The following PTH1R variants were observed in gnomAD, a reference collection of about 807,000 sequenced individuals.
The protein encoded by PTH1R is parathyroid hormone/parathyroid hormone-related peptide receptor.
Under a neutral mutation model 70.7 loss-of-function variants are expected in PTH1R, and 32 were observed. That is an observed-to-expected ratio of 0.45 (90% CI 0.34 to 0.61). PTH1R has a LOEUF of 0.61. Among genes scored for constraint, PTH1R ranks in the 20% least tolerant of loss-of-function variants. The pLI is 0.01. For missense variants in PTH1R, 626 were observed against 792.5 expected (o/e 0.79, Z 2.52); for synonymous variants, 329 against 324.8 (o/e 1.01, Z -0.14).
chr3:46,895,692 G>T lies in PTH1R; in HGVS notation c.179-43G>T. The T allele has an allele frequency of 1.9e-6, 3 of 1,613,750 alleles. No individual in the cohort carries two copies. In the South Asian group the frequency reaches 3.3e-5, roughly 18 times the overall value. ...CAAAGAGTACCCTGGGTCTCCTGTT[G>T]TAGCACAGCTGACAGCCATCATTAC... On this transcript the variant is annotated intron_variant, in intron 4 of 15. Transcript: ENST00000449590.
intron 8 of PTH1R, 25 bp from the exon 9 acceptor site, chr3:46,898,637 C>A: frequency 6.2e-7 from 1 of 1,610,528 alleles, no homozygotes. Context: ...TGCCCCCACC[C>A]ACGGTCATGT....
chr3:46,887,476 A>C (rs530569166), intron 3 of PTH1R, among the ~76,000 whole-genome samples: 1 of 150,538 alleles, frequency 6.6e-6, no homozygotes, highest in South Asian at 2.1e-4. Context: ...AAAAAAAAAA[A>C]AGAGAGAGAG....
rs201482011 is a variant in PTH1R, at chr3:46,898,366, C to A, written c.544-12C>A. ...CCAGGGCTCTGACTGTGTCTCCCCC[C>A]GCCCCGCACAGGAGGTGTTTGACCG... On this transcript the variant is annotated splice_polypyrimidine_tract_variant and intron_variant, in intron 7 of 15. Coordinates refer to ENST00000449590, the MANE Select transcript of PTH1R (RefSeq NM_000316.3). The A allele has an allele frequency of 2.5e-6, 4 of 1,612,916 alleles. No homozygotes were observed. The highest frequency in any genetic ancestry group is 1.1e-5 in the South Asian group (1 of 91,058).
intron 2 of PTH1R, among the ~76,000 whole-genome samples, chr3:46,881,886 C>T (rs1178225928): frequency 3.3e-5 from 5 of 152,050 alleles, no homozygotes; most frequent in Admixed American, 3.3e-4. Flanking sequence ...AGGGGATTCG[C>T]CCATGATGAA....
chr3:46,898,555 C>A, intron 8 of PTH1R, 83 bp downstream of exon 8: 9 of 1,598,310 alleles, frequency 5.6e-6, no homozygotes, highest in African/African-American at 1.3e-5. Context: ...CTCCCTGCAC[C>A]CATCACCCCC....
In PTH1R at chr3:46,895,746, G is replaced by C. The variant is rs2031711083; in HGVS notation, c.190G>C (p.Glu64Gln). ...CCTGGTTTCTCCAGCCAGCATAATG[G>C]AATCAGACAAGGGATGGACATCTGC... ...EVLQRPASIM[E>Q]SDKGWTSAST... Residue 64 changes from glutamate to glutamine, a missense_variant, in exon 5 of 16, where the codon GAA becomes CAA. This residue lies in a region of PTH1R where 123 missense variants were observed against 125.7 expected (regional missense o/e 0.98). Transcript: ENST00000449590. 6.2e-7 allele frequency: 1 copy of C among 1,614,140 alleles called. No homozygotes were observed. The highest frequency in any genetic ancestry group is 2.2e-5 in the East Asian group (1 of 44,874).
Position 46,892,673 on chromosome 3 carries a change from C to A in PTH1R, c.76-1234C>A. On this transcript the variant is annotated intron_variant, in intron 3 of 15. Transcript: ENST00000449590. This position sits in a 1 kb window ranked among gnomAD's most constrained non-coding sequence, Gnocchi z 5.2. Reference sequence around the variant, plus strand: ...CCTCTCGCCGGTGCCCGCCCCATGCCCGACCCGCCTTCTTCCTCCCCTGCC... The same window carrying A: ...CCTCTCGCCGGTGCCCGCCCCATGCACGACCCGCCTTCTTCCTCCCCTGCC... 1 of 962,484 alleles carries A rather than the reference C, an allele frequency of 1.0e-6. No individual in the cohort carries two copies. The highest frequency in any genetic ancestry group is 1.2e-6 in the Non-Finnish European group (1 of 808,352). The allele number at this position is 962,484 out of a possible 1,614,324, so 59.6% of individuals were successfully genotyped here. A position where few individuals can be genotyped will look rare whatever the true frequency, so the allele number is the denominator to read the frequency against.
intron 3 of PTH1R, among the ~76,000 whole-genome samples, chr3:46,890,388 TTGCTGCTGC>T (rs562274566): frequency 5.3e-5 from 8 of 152,110 alleles, no homozygotes; most frequent in African/African-American, 1.9e-4. Context: ...GGGATGTGAC[TTGCTGCTGC>T]TGCTGCTGCT....
At chr3:46,900,553 T>C (rs2032056083) in intron 10 of PTH1R, among the ~76,000 whole-genome samples, 1 of 151,990 alleles carries the variant, frequency 6.6e-6, no homozygotes, top group African/African-American at 2.4e-5. Context: ...CTGTGGCCTC[T>C]GCTTGGGACA....
chr3:46,883,630 C>T lies in PTH1R; in HGVS notation c.71C>T (p.Ala24Val), dbSNP rs1305304363. 1 of 1,545,472 alleles carries T rather than the reference C, an allele frequency of 6.5e-7. No individual in the cohort carries two copies. Among genetic ancestry groups the T allele is most frequent in the Non-Finnish European group, 8.7e-7 (1 of 1,146,768 alleles). The change falls in exon 3 of 16, where the codon GCG becomes GTG. Residue 24 changes from alanine to valine, a missense_variant. Ala to Val is a moderately conservative substitution (Grantham distance 64). Transcript: ENST00000449590. The surrounding 1 kb of genome is among the most constrained non-coding windows in gnomAD (Gnocchi z 6.4). ...LCCPVLSSAYALVDADDVMTK... is the reference protein window; with the variant it reads ...LCCPVLSSAYVLVDADDVMTK... ...TGCCCCGTGCTCAGCTCCGCGTACG[C>T]GCTGGTGAGTCCCCCGCCGCCAACA...
chr3:46,890,321 G>A (rs991701182), intron 3 of PTH1R, among the ~76,000 whole-genome samples: 3 of 152,004 alleles, frequency 2.0e-5, no homozygotes, highest in Non-Finnish European at 2.9e-5. Context: ...AGCCACCTTG[G>A]GTCCCTGGCC....
In PTH1R at chr3:46,892,894, A is replaced by G. The variant is rs2031517759; in HGVS notation, c.76-1013A>G. On this transcript the variant is annotated intron_variant, in intron 3 of 15. Coordinates refer to ENST00000449590, the MANE Select transcript of PTH1R (RefSeq NM_000316.3). This position sits in a 1 kb window ranked among gnomAD's most constrained non-coding sequence, Gnocchi z 5.2. ...GAAACACGACCCTGAATTAAGAGGGATGGGGCTGAGGGCTTCACAGCCCCG... is the reference window on the plus strand; with the variant it reads ...GAAACACGACCCTGAATTAAGAGGGGTGGGGCTGAGGGCTTCACAGCCCCG... 1.2e-6 allele frequency: 1 copy of G among 829,948 alleles called. No homozygotes were observed. Among genetic ancestry groups the G allele is most frequent in the African/African-American group, 1.8e-5 (1 of 54,414 alleles). The allele number at this position is 829,948 out of a possible 1,614,324, so 51.4% of individuals were successfully genotyped here.
rs199649688 is a variant in PTH1R at position 46,903,663 on chromosome 3, G to A, written c.*7G>A. ...GTGGGAGACAGTCATGTGACCAGGC[G>A]CTGGGGGCTGGACCTGCTGACATAG... On this transcript the variant is annotated 3_prime_UTR_variant, in exon 16 of 16. Coordinates refer to ENST00000449590, the MANE Select transcript of PTH1R (RefSeq NM_000316.3). This position sits in a 1 kb window ranked among gnomAD's most constrained non-coding sequence, Gnocchi z 4.4. 9.0e-4 allele frequency: 1,450 copies of A among 1,606,332 alleles called. 18 individuals carry two copies. The South Asian group carries it at 0.015, about 17-fold the overall frequency.
Position 46,893,823 on chromosome 3 carries a change from A to T in PTH1R, c.76-84A>T. On this transcript the variant is annotated intron_variant, in intron 3 of 15. Coordinates refer to ENST00000449590, the MANE Select transcript of PTH1R (RefSeq NM_000316.3). This position sits in a 1 kb window ranked among gnomAD's most constrained non-coding sequence, Gnocchi z 5.2. ...GAGTCAGGGCCTTTTGAAAGGGGGTAGTCCCTCTGGGAAATTGGGATGTCT... is the reference window on the plus strand; with the variant it reads ...GAGTCAGGGCCTTTTGAAAGGGGGTTGTCCCTCTGGGAAATTGGGATGTCT... The T allele has an allele frequency of 8.0e-7, 1 of 1,248,858 alleles. No homozygotes were observed. Among genetic ancestry groups the T allele is most frequent in the Non-Finnish European group, 1.2e-6 (1 of 862,946 alleles). 77.4% of individuals were successfully genotyped at this position (1,248,858 alleles called of 1,614,324 possible). A position where few individuals can be genotyped will look rare whatever the true frequency, so the allele number is the denominator to read the frequency against.
rs777060587 is a variant in PTH1R, at chr3:46,898,446, A to G, written c.612A>G (p.Val204=). The change falls in exon 8 of 16, where the codon GTA becomes GTG. Residue 204 remains valine (V), a synonymous_variant. Coordinates refer to ENST00000449590, the MANE Select transcript of PTH1R (RefSeq NM_000316.3). ...CCGTGTCCCTGGCGTCCCTCACCGT[A>G]GCTGTGCTCATCCTGGCCTACTTTA... ...GYSVSLASLT[V]AVLILAYFRR... The G allele has an allele frequency of 1.9e-6, 3 of 1,613,888 alleles. No individual in the cohort carries two copies. Among genetic ancestry groups the G allele is most frequent in the East Asian group, 2.2e-5 (1 of 44,830 alleles).
Position 46,902,213 on chromosome 3 carries a change from G to A in PTH1R, c.1212-313G>A, listed in dbSNP as rs1391266626. ...GCAGCTCAGCTGAAACCTGAGGAGC[G>A]GACTGTGGGATAGTGAGGTTCGACC... On this transcript the variant is annotated intron_variant, in intron 13 of 15. Transcript: ENST00000449590. The surrounding 1 kb of genome is among the most constrained non-coding windows in gnomAD (Gnocchi z 5.4). Among the ~76,000 whole-genome samples, 3 of 152,186 alleles carry A rather than the reference G, an allele frequency of 2.0e-5. No individual in the cohort carries two copies. Among genetic ancestry groups the A allele is most frequent in the East Asian group, 3.9e-4 (2 of 5,194 alleles).
At chr3:46,894,650 A>T (rs1575517955) in intron 4 of PTH1R, among the ~76,000 whole-genome samples, 1 of 151,324 alleles carries the variant, frequency 6.6e-6, no homozygotes, top group Non-Finnish European at 1.5e-5. Context: ...ACTGTACCCC[A>T]CCCTGCTACC....
chr3:46,886,657 G>A (rs530525101), intron 3 of PTH1R, among the ~76,000 whole-genome samples: 24 of 152,214 alleles, frequency 1.6e-4, no homozygotes, highest in Admixed American at 5.2e-4. Flanking sequence ...ACGCCCGGCC[G>A]GTTGCTTGCT....
chr3:46,892,575 C>T lies in PTH1R; in HGVS notation c.76-1332C>T. 8.3e-6 allele frequency: 2 copies of T among 239,702 alleles called. No individual in the cohort carries two copies. Among genetic ancestry groups the T allele is most frequent in the Non-Finnish European group, 6.9e-6 (1 of 145,780 alleles). 14.8% of individuals were successfully genotyped at this position (239,702 alleles called of 1,614,324 possible). On this transcript the variant is annotated intron_variant, in intron 3 of 15. Coordinates refer to ENST00000449590, the MANE Select transcript of PTH1R (RefSeq NM_000316.3). This position sits in a 1 kb window ranked among gnomAD's most constrained non-coding sequence, Gnocchi z 5.2. ...GAGACTCCTTGGCCCTGGAAGCCCT[C>T]GCTGCTGCCGCCAAGAGACGCGGTC...
Sources: gnomAD v4.1 joint callset for allele counts (sites outside exome capture counted in the v4.1 genomes callset) on GRCh38, gnomAD v4.1.1 for gene constraint, gnomAD v4.1.1 regional missense constraint, Gnocchi (gnomAD v3.1) non-coding constraint, MANE v1.5 for transcripts, NCBI Gene and HGNC (gene_info 2026-07-23, HGNC 2026-07-21) for gene names.